TBRG4: variants seen among roughly 807,000 people sequenced by gnomAD.
TBRG4 encodes the protein FAST kinase domain-containing protein 4.
A neutral mutation model predicts 65.6 loss-of-function variants in TBRG4; 43 were observed. That is an observed-to-expected ratio of 0.66 (90% CI 0.51 to 0.85). TBRG4 has a LOEUF of 0.85. TBRG4 is among the 40% of genes least tolerant of loss of function. TBRG4 has a pLI of 0.00. For synonymous variants in TBRG4, 366 were observed against 341.4 expected, an observed-to-expected ratio of 1.07 and a Z score of -0.79; for missense variants, 709 against 787.9, an observed-to-expected ratio of 0.90 and a Z score of 1.20.
chr7:45,109,930 T>C (rs1371312148), intron 1 of TBRG4, among the ~76,000 whole-genome samples: 1 of 141,804 alleles, frequency 7.1e-6, no homozygotes. Context: ...TGAGCTGAGA[T>C]TGCACCACTG....
intron 2 of TBRG4, chr7:45,106,179 C>T (rs375612357): frequency 2.4e-6 from 1 of 421,336 alleles, no homozygotes; most frequent in Non-Finnish European, 4.7e-6. Flanking sequence ...CTCTAGGCTA[C>T]AATAAATAGC....
At chr7:45,110,230 C>A (rs1319817705) in intron 1 of TBRG4, among the ~76,000 whole-genome samples, 2 of 152,176 alleles carry the variant, frequency 1.3e-5, no homozygotes, top group Non-Finnish European at 2.9e-5. Flanking sequence ...AGGCCTTGCA[C>A]TTCCACTTCA....
At chr7:45,109,350 G>T in intron 1 of TBRG4, 63 bp from the exon 2 acceptor site, 4 of 1,347,490 alleles carry the variant, frequency 3.0e-6, no homozygotes, top group Non-Finnish European at 2.0e-6. Flanking sequence ...ACAAACTTGA[G>T]AAATGAAATA....
chr7:45,103,448 G>A lies in TBRG4; in HGVS notation c.1066-5C>T. 6.2e-7 allele frequency: 1 copy of A among 1,609,264 alleles called. No homozygotes were observed. The highest frequency in any genetic ancestry group is 8.5e-7 in the Non-Finnish European group (1 of 1,177,188). The stretch of plus-strand genomic sequence containing the variant: ...CTGCGCTCTGTTCAGGACGTGCTGG[G>A]TGGGTCAGAAATAGCAGAGGGACAG... On this transcript the variant is annotated splice_polypyrimidine_tract_variant and splice_region_variant and intron_variant, in intron 5 of 10. Transcript: ENST00000258770.
intron 3 of TBRG4, 73 bp downstream of exon 3, chr7:45,105,368 A>G: frequency 6.7e-7 from 1 of 1,494,664 alleles, no homozygotes; most frequent in Non-Finnish European, 9.0e-7. Context: ...CTCTGCAGAC[A>G]ACTGTCACCC....
intron 4 of TBRG4, 134 bp from the exon 5 acceptor site, chr7:45,104,390 G>C (rs1410825584): frequency 1.9e-6 from 3 of 1,568,090 alleles, no homozygotes; most frequent in Non-Finnish European, 2.6e-6. Flanking sequence ...TGGGACACAG[G>C]AACAGGGCCC....
At chr7:45,105,056 T>C (rs200011214) in intron 3 of TBRG4, 124 of 695,296 alleles carry the variant, frequency 1.8e-4, no homozygotes, top group Non-Finnish European at 2.9e-4. Flanking sequence ...CTACAGCCGA[T>C]AGGGGTTAGC....
intron 2 of TBRG4, among the ~76,000 whole-genome samples, chr7:45,108,253 G>T (rs1239795792): frequency 6.6e-6 from 1 of 152,200 alleles, no homozygotes; most frequent in Non-Finnish European, 1.5e-5. Flanking sequence ...TGTACATGGA[G>T]CCCAGGGGAA....
At position 45,104,081 on chromosome 7, in the gene TBRG4, G is replaced by T; in HGVS notation, c.1065+18C>A. On this transcript the variant is annotated intron_variant, in intron 5 of 10. Coordinates refer to ENST00000258770, the MANE Select transcript of TBRG4 (RefSeq NM_004749.4). ...CAGGAAGCCAGCTTCTCTGAGTTGG[G>T]GCCAGGCCCTGGCTCACCTGGGCAA... 1 of 1,578,908 alleles carries T rather than the reference G, an allele frequency of 6.3e-7. No individual in the cohort carries two copies. Among genetic ancestry groups the T allele is most frequent in the Non-Finnish European group, 8.6e-7 (1 of 1,162,618 alleles).
chr7:45,108,810 C>T lies in TBRG4; in HGVS notation c.411+17G>A. 1 of 1,513,740 alleles carries T rather than the reference C, an allele frequency of 6.6e-7. No homozygotes were observed. The highest frequency in any genetic ancestry group is 1.4e-5 in the South Asian group (1 of 73,692). The allele number at this position is 1,513,740 out of a possible 1,614,324, so 93.8% of individuals were successfully genotyped here. ...TTTCCTCTTGTCTATGCTCTCAGAC[C>T]ACACTCCGGCACCCACCTGACTGTT... is the stretch of plus-strand genomic sequence containing the variant. On this transcript the variant is annotated intron_variant, in intron 2 of 10. Transcript: ENST00000258770.
Position 45,101,284 on chromosome 7 carries a change from C to T in TBRG4, c.1768G>A (p.Val590Met). ...TCCACTATCAGGAAGCCTGCAGCCACTATGTGTCGCCGGGCCAGAACAAAG... is the reference window on the plus strand; with the variant it reads ...TCCACTATCAGGAAGCCTGCAGCCATTATGTGTCGCCGGGCCAGAACAAAG... ...GRFVLARRHI[V>M]AAGFLIVDVP... The change falls in exon 10 of 11, where the codon GTG (valine) becomes ATG (methionine). Residue 590 changes from valine to methionine, a missense_variant. Physicochemically the swap from Val to Met is conservative, Grantham distance 21. Coordinates refer to ENST00000258770, the MANE Select transcript of TBRG4 (RefSeq NM_004749.4). 6.2e-7 allele frequency: 1 copy of T among 1,613,868 alleles called. No individual in the cohort carries two copies. Among genetic ancestry groups the T allele is most frequent in the South Asian group, 1.1e-5 (1 of 91,082 alleles).
Position 45,101,606 on chromosome 7 carries a change from C to A in TBRG4, c.1576G>T (p.Val526Leu), listed in dbSNP as rs760294974. The A allele has an allele frequency of 2.5e-6, 4 of 1,613,324 alleles. No homozygotes were observed. The highest frequency in any genetic ancestry group is 3.4e-6 in the Non-Finnish European group (4 of 1,179,790). The change falls in exon 9 of 11, where the codon GTG becomes TTG. Residue 526 changes from valine (V) to leucine (L), a missense_variant. Physicochemically the swap from Val to Leu is conservative, Grantham distance 32. Transcript: ENST00000258770. The part of the protein sequence containing the change: ...TQYGWVLDAE[V>L]LLDSDGEFLP... Reference sequence around the variant, plus strand: ...AACTCGCCGTCACTGTCCAGCAGCACCTCAGCATCTGGGGAAGGGGTGTGG... The same window carrying A: ...AACTCGCCGTCACTGTCCAGCAGCAACTCAGCATCTGGGGAAGGGGTGTGG...
Position 45,109,080 on chromosome 7 carries a change from G to A in TBRG4, c.158C>T (p.Ser53Phe), listed in dbSNP as rs146322161. 6 of 1,614,042 alleles carry A rather than the reference G, an allele frequency of 3.7e-6. No homozygotes were observed. The African/African-American group carries it at 4.0e-5, about 11-fold the overall frequency. Reference protein sequence around the residue: ...ATSPISHLPGSLMEPVEKERA... With the variant: ...ATSPISHLPGFLMEPVEKERA... ...TTCCTTCTCCACCGGCTCCATCAAG[G>A]AACCTGGGAGGTGGGAAATGGGTGA... is the stretch of plus-strand genomic sequence containing the variant. The change falls in exon 2 of 11, where the codon TCC becomes TTC. Residue 53 changes from serine (S) to phenylalanine (F), a missense_variant. Ser to Phe is a radical substitution (Grantham distance 155). Coordinates refer to ENST00000258770, the MANE Select transcript of TBRG4 (RefSeq NM_004749.4).
At chr7:45,100,896 G>A (rs1784742663) in intron 10 of TBRG4, among the ~76,000 whole-genome samples, 1 of 152,200 alleles carries the variant, frequency 6.6e-6, no homozygotes, top group Non-Finnish European at 1.5e-5. Context: ...TACTTTTCCT[G>A]ACAACAGGCG....
intron 1 of TBRG4, chr7:45,110,693 T>C (rs903980656): frequency 2.0e-5 from 3 of 149,618 alleles, no homozygotes; most frequent in Non-Finnish European, 4.5e-5. Flanking sequence ...CTCCCTACGG[T>C]GATTACATGA....
chr7:45,103,977 T>C, intron 5 of TBRG4, 122 bp downstream of exon 5: 1 of 1,314,930 alleles, frequency 7.6e-7, no homozygotes, highest in Admixed American at 2.9e-5. Context: ...ATGCAAGAAA[T>C]ATGTATTTGC....
rs375428481 is a variant in TBRG4, at chr7:45,100,349, C to A, written c.1872G>T (p.Ala624=). 1 of 1,614,164 alleles carries A rather than the reference C, an allele frequency of 6.2e-7. No homozygotes were observed. The highest frequency in any genetic ancestry group is 8.5e-7 in the Non-Finnish European group (1 of 1,180,024). The change falls in exon 11 of 11, where the codon GCG becomes GCT. Residue 624 remains alanine (A), a synonymous_variant. Transcript: ENST00000258770. ...GTCACTTGGCCAGCTCCTCAGCCAC[C>A]GCTTTGCGCATCTTGTCCTTGAGGT... The part of the protein sequence containing the change: ...GAYLKDKMRK[A]VAEELAK
chr7:45,103,252 G>T, intron 6 of TBRG4, 81 bp downstream of exon 6: 2 of 1,208,942 alleles, frequency 1.7e-6, no homozygotes, highest in Non-Finnish European at 2.4e-6. Context: ...CCTAGCCCGA[G>T]CTGATCTTGG....
chr7:45,110,549 C>A (rs539852668), intron 1 of TBRG4, among the ~76,000 whole-genome samples: 1 of 151,858 alleles, frequency 6.6e-6, no homozygotes, highest in African/African-American at 2.4e-5. Flanking sequence ...CACCTGTAGT[C>A]CCAGCTACTA....
Sources: gnomAD v4.1 joint callset for allele counts (sites outside exome capture counted in the v4.1 genomes callset) on GRCh38, gnomAD v4.1.1 for gene constraint, MANE v1.5 for transcripts, NCBI Gene and HGNC (gene_info 2026-07-23, HGNC 2026-07-21) for gene names.